Variants in ZSCAN18 observed in about 807,000 individuals in gnomAD.
ZSCAN18 encodes zinc finger and SCAN domain-containing protein 18.
A neutral mutation model predicts 31.1 loss-of-function variants in ZSCAN18; 16 were observed. The observed-to-expected ratio is 0.51, with a 90% confidence interval of 0.35 to 0.78. The LOEUF (loss-of-function observed/expected upper bound fraction) is 0.78. Ranked by LOEUF, ZSCAN18 falls within the 30% of genes least tolerant of loss-of-function variation. ZSCAN18 has a pLI of 0.01. For missense variants in ZSCAN18, 731 were observed against 697.4 expected, an observed-to-expected ratio of 1.05 and a Z score of -0.54; for synonymous variants, 375 against 320.7, an observed-to-expected ratio of 1.17 and a Z score of -1.81.
intron 1 of ZSCAN18, among the ~76,000 whole-genome samples, chr19:58,117,851 G>A (rs2074744264): frequency 6.6e-6 from 1 of 152,056 alleles, no homozygotes; most frequent in African/African-American, 2.4e-5. Context: ...GCGCCCACTA[G>A]GAGAGAGAGT....
intron 1 of ZSCAN18, among the ~76,000 whole-genome samples, chr19:58,111,146 C>T (rs923074844): frequency 5.4e-5 from 8 of 149,530 alleles, no homozygotes; most frequent in African/African-American, 1.5e-4. Flanking sequence ...CCAGCCTGGG[C>T]GACAGAGCAA....
chr19:58,089,380 C>CACTTTGGG (rs2074362304), intron 2 of ZSCAN18, among the ~76,000 whole-genome samples: 1 of 141,660 alleles, frequency 7.1e-6, no homozygotes, highest in South Asian at 2.3e-4. Flanking sequence ...GTAATCCCAG[C>CACTTTGGG]ACTTTGGGAG....
chr19:58,098,457 C>T (rs1232345545), upstream of ZSCAN18: 1 of 828,804 alleles, frequency 1.2e-6, no homozygotes, highest in Non-Finnish European at 1.5e-6. Context: ...TAATAGACCC[C>T]TGACAGCCAG....
In ZSCAN18 at chr19:58,084,849, C is replaced by T. The variant is rs745409018; in HGVS notation, c.1369G>A (p.Ala457Thr). The T allele has an allele frequency of 3.8e-6, 6 of 1,599,942 alleles. No homozygotes were observed. Among genetic ancestry groups the T allele is most frequent in the Non-Finnish European group, 4.3e-6 (5 of 1,175,222 alleles). ...WKTFHFSLAL[A>T]EHQKTHEKEK... is the part of the protein sequence containing the mutation. ...TTCTCGTGGGTCTTCTGGTGCTCGG[C>T]TAGGGCCAGGCTGAAGTGGAAGGTC... is the stretch of plus-strand genomic sequence containing the variant. Residue 457 changes from alanine to threonine, a missense_variant, in exon 7 of 7, where the codon GCC (alanine) becomes ACC (threonine). By Grantham distance (58) the Ala-to-Thr change is moderately conservative (BLOSUM62 0). Around this residue, in one of 4 missense-constraint regions of ZSCAN18, gnomAD observed 597 missense variants for 499.5 expected, o/e 1.20. Coordinates refer to ENST00000601144, the MANE Select transcript of ZSCAN18 (RefSeq NM_001145543.2). The surrounding 1 kb of genome is among the most constrained non-coding windows in gnomAD (Gnocchi z 4.5).
intron 1 of ZSCAN18, among the ~76,000 whole-genome samples, chr19:58,104,741 AAAAT>A (rs1459048466): frequency 3.6e-5 from 3 of 83,286 alleles, no homozygotes; most frequent in Non-Finnish European, 7.8e-5. Flanking sequence ...AAAATAAAAT[AAAAT>A]AAAAAAGTCT....
At chr19:58,112,305 G>A (rs747323156) in intron 1 of ZSCAN18, among the ~76,000 whole-genome samples, 5 of 152,128 alleles carry the variant, frequency 3.3e-5, no homozygotes, top group East Asian at 1.9e-4. Flanking sequence ...AAAATGTCCC[G>A]ATTACAGGTG....
upstream of ZSCAN18, among the ~76,000 whole-genome samples, chr19:58,102,104 G>T (rs2074598892): frequency 6.6e-6 from 1 of 152,052 alleles, no homozygotes; most frequent in Non-Finnish European, 1.5e-5. Flanking sequence ...CAGTATAAAA[G>T]CTAGAGTAGA....
chr19:58,118,385 G>A (rs1182703145), exon 1 of ZSCAN18: 11 of 1,529,392 alleles, frequency 7.2e-6, no homozygotes, highest in African/African-American at 1.4e-5. Context: ...CTCGCCCTCC[G>A]ACTCTCCGCA....
intron 1 of ZSCAN18, among the ~76,000 whole-genome samples, chr19:58,104,396 A>T (rs951445630): frequency 7.6e-6 from 1 of 131,330 alleles, no homozygotes; most frequent in Non-Finnish European, 1.5e-5. Flanking sequence ...ACAAAACAAA[A>T]CAAAACAAAA....
At chr19:58,104,395 AACAAAAC>A (rs1437785396) in intron 1 of ZSCAN18, among the ~76,000 whole-genome samples, 1,462 of 136,014 alleles carry the variant, frequency 0.011, 30 homozygotes, top group African/African-American at 0.052. Flanking sequence ...AACAAAACAA[AACAAAAC>A]AAAAAAAAAG....
In ZSCAN18 at chr19:58,095,118, T is replaced by C. The variant is rs73577079; in HGVS notation, c.-120+3056A>G. Among the ~76,000 whole-genome samples, 1,251 of 152,282 alleles carry C rather than the reference T, an allele frequency of 8.2e-3. 23 individuals carry two copies. The highest frequency in any genetic ancestry group is 0.027 in the African/African-American group (1,112 of 41,554). ...CAGGTGGGTACGCTAACCCCTGTTC[T>C]GGAGCCTCTCCTGATGGGAGGCGTG... On this transcript the variant is annotated intron_variant, in intron 1 of 6. Transcript: ENST00000601144.
Position 58,087,324 on chromosome 19 carries a change from T to G in ZSCAN18, c.634A>C (p.Thr212Pro), listed in dbSNP as rs749210994. The G allele has an allele frequency of 3.1e-6, 5 of 1,605,504 alleles. No individual in the cohort carries two copies. In the African/African-American group the frequency reaches 4.0e-5, roughly 13 times the overall value. Reference protein sequence around the residue: ...AKTEEDGPANTEQKLKSFPED... With the variant: ...AKTEEDGPANPEQKLKSFPED... ...TGCTCGTGCCCACCCACCTGCTCGG[T>G]GTTGGCAGGGCCGTCCTCTTCGGTC... Residue 212 changes from threonine to proline, a missense_variant, in exon 4 of 7, where the codon ACC becomes CCC. Physicochemically the swap from Thr to Pro is conservative, Grantham distance 38. Around this residue, in one of 4 missense-constraint regions of ZSCAN18, gnomAD observed 597 missense variants for 499.5 expected, o/e 1.20. Coordinates refer to ENST00000601144, the MANE Select transcript of ZSCAN18 (RefSeq NM_001145543.2).
intron 1 of ZSCAN18, chr19:58,108,971 T>C: frequency 1.7e-6 from 2 of 1,152,832 alleles, no homozygotes; most frequent in Middle Eastern, 7.2e-4. Flanking sequence ...TGTATGTAAC[T>C]AAAATGTTTA....
At chr19:58,110,846 G>C (rs188175635) in intron 1 of ZSCAN18, among the ~76,000 whole-genome samples, 1 of 152,328 alleles carries the variant, frequency 6.6e-6, no homozygotes, top group Admixed American at 6.5e-5. Context: ...CACACTCCAT[G>C]TGTGTATGAC....
At chr19:58,092,989 C>G (rs1197405671) in intron 1 of ZSCAN18, among the ~76,000 whole-genome samples, 1 of 152,062 alleles carries the variant, frequency 6.6e-6, no homozygotes, top group African/African-American at 2.4e-5. Context: ...GTTGCCCAGG[C>G]TGGTCTGTAA....
exon 1 of ZSCAN18, chr19:58,118,277 C>T (rs1395367425): frequency 1.3e-6 from 2 of 1,483,272 alleles, no homozygotes; most frequent in Non-Finnish European, 1.8e-6. Flanking sequence ...CCTCACTAGG[C>T]CTTGGCTCCG....
chr19:58,091,265 CAAAA>C (rs5828749), intron 1 of ZSCAN18, among the ~76,000 whole-genome samples: 5 of 116,042 alleles, frequency 4.3e-5, no homozygotes, highest in Non-Finnish European at 5.4e-5. Context: ...GACTCTGTCT[CAAAA>C]AAAAAAAAAA....
At chr19:58,107,601 A>C in intron 1 of ZSCAN18, 2 of 922,660 alleles carry the variant, frequency 2.2e-6, no homozygotes, top group Non-Finnish European at 1.3e-6. Context: ...TGCGGTAAAC[A>C]CATGTGCTGT....
rs1451386074 is a variant in ZSCAN18, at chr19:58,085,294, C to T, written c.924G>A (p.Ala308=). 8.8e-6 allele frequency: 14 copies of T among 1,599,266 alleles called. No individual in the cohort carries two copies. In the East Asian group the frequency reaches 2.7e-4, roughly 31 times the overall value. The change falls in exon 7 of 7, where the codon GCG becomes GCA. Residue 308 remains alanine (A), a synonymous_variant. Transcript: ENST00000601144. Reference sequence around the variant, plus strand: ...GATCGGCAAGGGCGTCCCCAGGGGGCGCCTCCGTAGGCAGCTCAGGCAGCA... The same window carrying T: ...GATCGGCAAGGGCGTCCCCAGGGGGTGCCTCCGTAGGCAGCTCAGGCAGCA... ...AGVLPELPTE[A]PPGDALADPP... is the part of the protein sequence containing the mutation.
Sources: gnomAD v4.1 joint callset for allele counts (sites outside exome capture counted in the v4.1 genomes callset) on GRCh38, gnomAD v4.1.1 for gene constraint, gnomAD v4.1.1 regional missense constraint, Gnocchi (gnomAD v3.1) non-coding constraint, MANE v1.5 for transcripts, NCBI Gene and HGNC (gene_info 2026-07-23, HGNC 2026-07-21) for gene names.